FOXP1: variants seen among roughly 807,000 people sequenced by gnomAD.
The protein encoded by FOXP1 is forkhead box protein P1.
Under a neutral mutation model 98.2 loss-of-function variants are expected in FOXP1, and 15 were observed. The ratio of observed to expected loss-of-function variants is 0.15; its 90% confidence interval spans 0.10 to 0.24. The LOEUF (loss-of-function observed/expected upper bound fraction) is 0.24, where lower values mean the gene tolerates loss of function less well. FOXP1 is among the 10% of genes least tolerant of loss of function. The pLI is 1.00. For missense variants in FOXP1, 633 were observed against 848.5 expected (o/e 0.75, Z 3.15); for synonymous variants, 371 against 314.5 (o/e 1.18, Z -1.90).
rs1344291324 is a variant in FOXP1 at position 70,982,511 on chromosome 3, C to T, written c.1147-4482G>A. Among the ~76,000 whole-genome samples, 4 of 152,150 alleles carry T rather than the reference C, an allele frequency of 2.6e-5. No homozygotes were observed. In the East Asian group the frequency reaches 7.7e-4, roughly 29 times the overall value. ...TATTTTCTACATGGCAAGTTTCCAT[C>T]ATGTGATGATTTCAGCAAAGATAAT... On this transcript the variant is annotated intron_variant, in intron 14 of 20. Transcript: ENST00000649528.
At position 71,083,492 on chromosome 3, in the gene FOXP1, C is replaced by G. The variant is rs74905909; in HGVS notation, c.282+29044G>C. On this transcript the variant is annotated intron_variant, in intron 7 of 20. Coordinates refer to ENST00000649528, the MANE Select transcript of FOXP1 (RefSeq NM_001349338.3). ...ACTTACCAATCAGCACATCTCCTCC[C>G]TTCTCCACAGTGACTGGTTCATGTA... Among the ~76,000 whole-genome samples, 350 of 152,328 alleles carry G rather than the reference C, an allele frequency of 2.3e-3. 1 individual carries two copies. The highest frequency in any genetic ancestry group is 6.8e-3 in the Middle Eastern group (2 of 294).
chr3:71,151,537 CGAAG>C (rs1027338461), intron 6 of FOXP1, among the ~76,000 whole-genome samples: 1 of 151,820 alleles, frequency 6.6e-6, no homozygotes, highest in African/African-American at 2.4e-5. Context: ...GGAAGAAACA[CGAAG>C]GAACATTTCA....
In FOXP1 at chr3:71,090,563, C is replaced by A. The variant is rs114741743; in HGVS notation, c.282+21973G>T. ...CTTCCCTTCCCAACACATCAAGACA[C>A]AATAAAATGAGCATACTCCCTGATC... On this transcript the variant is annotated intron_variant, in intron 7 of 20. Coordinates refer to ENST00000649528, the MANE Select transcript of FOXP1 (RefSeq NM_001349338.3). 2.9e-3 allele frequency among the ~76,000 whole-genome samples: 446 copies of A among 152,240 alleles called. 1 individual carries two copies. Among genetic ancestry groups the A allele is most frequent in the African/African-American group, 9.7e-3 (403 of 41,536 alleles).
chr3:71,333,899 A>C lies in FOXP1; in HGVS notation c.-73+25251T>G, dbSNP rs563504738. The stretch of plus-strand genomic sequence containing the variant: ...ATTCGACTGGCTGAGAAATGGGGGA[A>C]GAAAGAATAAACTTGAAAAAAAGAA... On this transcript the variant is annotated intron_variant, in intron 4 of 20. Coordinates refer to ENST00000649528, the MANE Select transcript of FOXP1 (RefSeq NM_001349338.3). 4.6e-5 allele frequency: 7 copies of C among 152,288 alleles called. No individual in the cohort carries two copies. The South Asian group carries it at 1.5e-3, about 32-fold the overall frequency. The allele number at this position is 152,288 out of a possible 1,614,324, so 9.4% of individuals were successfully genotyped here. A position where few individuals can be genotyped will look rare whatever the true frequency, so the allele number is the denominator to read the frequency against.
chr3:71,061,484 C>A (rs1409611826), intron 7 of FOXP1, among the ~76,000 whole-genome samples: 1 of 152,116 alleles, frequency 6.6e-6, no homozygotes, highest in Admixed American at 6.5e-5. Flanking sequence ...TTAAAACTAT[C>A]TATTTGAGGC....
At chr3:71,170,993 G>A (rs1315355951) in intron 6 of FOXP1, among the ~76,000 whole-genome samples, 1 of 152,052 alleles carries the variant, frequency 6.6e-6, no homozygotes, top group Non-Finnish European at 1.5e-5. Context: ...AACCAGGAAG[G>A]CGGGCATGAT....
intron 4 of FOXP1, among the ~76,000 whole-genome samples, chr3:71,346,235 A>T (rs975433988): frequency 6.6e-6 from 1 of 152,220 alleles, no homozygotes; most frequent in Non-Finnish European, 1.5e-5. Flanking sequence ...GATCACTGTG[A>T]GCAAAGCTCT....
chr3:71,474,173 G>A (rs922024257), intron 3 of FOXP1, among the ~76,000 whole-genome samples: 5 of 152,052 alleles, frequency 3.3e-5, no homozygotes, highest in East Asian at 1.9e-4. Flanking sequence ...ACAATAGCAC[G>A]AGAATTAGTG....
chr3:71,436,449 T>C (rs2085364491), intron 3 of FOXP1, among the ~76,000 whole-genome samples: 1 of 148,558 alleles, frequency 6.7e-6, no homozygotes, highest in Non-Finnish European at 1.5e-5. Flanking sequence ...TGAGACCTTC[T>C]GGATTTAACA....
At chr3:71,091,527 CA>C (rs553093199) in intron 7 of FOXP1, among the ~76,000 whole-genome samples, 21 of 146,086 alleles carry the variant, frequency 1.4e-4, no homozygotes, top group East Asian at 6.0e-4. Flanking sequence ...AACAAACAAA[CA>C]AAAAAAAAAC....
At chr3:71,033,997 C>A (rs1272352367) in intron 11 of FOXP1, among the ~76,000 whole-genome samples, 1 of 152,088 alleles carries the variant, frequency 6.6e-6, no homozygotes, top group East Asian at 1.9e-4. Context: ...AAAATAAGTA[C>A]CTGTATCTTA....
At chr3:71,070,241 A>G (rs2053050481) in intron 7 of FOXP1, among the ~76,000 whole-genome samples, 1 of 152,246 alleles carries the variant, frequency 6.6e-6, no homozygotes, top group African/African-American at 2.4e-5. Context: ...AAAAATGCAC[A>G]TTCGTCTACT....
chr3:71,362,061 G>T (rs2078606934), intron 3 of FOXP1, among the ~76,000 whole-genome samples: 1 of 152,196 alleles, frequency 6.6e-6, no homozygotes, highest in Non-Finnish European at 1.5e-5. Context: ...CTGTGGACAA[G>T]TCTGACTTTT....
At chr3:71,339,393 A>G (rs913004634) in intron 4 of FOXP1, among the ~76,000 whole-genome samples, 2 of 152,338 alleles carry the variant, frequency 1.3e-5, no homozygotes, top group African/African-American at 2.4e-5. Context: ...TCTAAGGTAC[A>G]TTATCATTCC....
chr3:71,523,102 A>G (rs2043112956), intron 2 of FOXP1, among the ~76,000 whole-genome samples: 1 of 152,184 alleles, frequency 6.6e-6, no homozygotes, highest in African/African-American at 2.4e-5. Flanking sequence ...GGAAATTGGG[A>G]CATAGACAAA....
At chr3:71,091,072 C>A (rs994755751) in intron 7 of FOXP1, among the ~76,000 whole-genome samples, 1 of 113,406 alleles carries the variant, frequency 8.8e-6, no homozygotes, top group African/African-American at 3.0e-5. Context: ...GGGCAGGTAA[C>A]ATTTTGAGCT....
At chr3:71,100,967 C>T (rs964792953) in intron 7 of FOXP1, among the ~76,000 whole-genome samples, 5 of 151,958 alleles carry the variant, frequency 3.3e-5, no homozygotes, top group African/African-American at 7.3e-5. Flanking sequence ...AGGAGGTGAG[C>T]GATGCATAAA....
chr3:70,992,141 A>G (rs2040699105), intron 13 of FOXP1, among the ~76,000 whole-genome samples: 1 of 152,100 alleles, frequency 6.6e-6, no homozygotes, highest in African/African-American at 2.4e-5. Context: ...TGGAGCCAAC[A>G]CTCCAACAGT....
intron 16 of FOXP1, among the ~76,000 whole-genome samples, chr3:70,977,267 ATTAAT>A (rs1233844876): frequency 2.0e-5 from 3 of 152,124 alleles, no homozygotes; most frequent in African/African-American, 4.8e-5. Context: ...GTACAGAAAT[ATTAAT>A]TTATTAGTCA....
Sources: gnomAD v4.1 joint callset for allele counts (sites outside exome capture counted in the v4.1 genomes callset) on GRCh38, gnomAD v4.1.1 for gene constraint, MANE v1.5 for transcripts, NCBI Gene and HGNC (gene_info 2026-07-23, HGNC 2026-07-21) for gene names.